The following STIM1 variants were observed in gnomAD, a reference collection of about 807,000 sequenced individuals.
STIM1 encodes stromal interaction molecule 1.
In STIM1, 25 loss-of-function variants were observed where a neutral mutation model predicts 74.7. That is an observed-to-expected ratio of 0.33 (90% CI 0.24 to 0.47). The LOEUF is 0.47. STIM1 is among the 20% of genes least tolerant of loss of function. The pLI, the probability that STIM1 is intolerant of heterozygous loss-of-function variation, is 1.00. For synonymous variants in STIM1, 328 were observed against 348.8 expected (o/e 0.94, Z 0.66); for missense variants, 728 against 920.8 (o/e 0.79, Z 2.71).
At chr11:3,865,648 G>A (rs2090826165) in intron 1 of STIM1, among the ~76,000 whole-genome samples, 1 of 152,196 alleles carries the variant, frequency 6.6e-6, no homozygotes, top group South Asian at 2.1e-4. Context: ...TGAGGAATCT[G>A]TTTGCTGGGA....
At position 3,882,663 on chromosome 11, in the gene STIM1, A is replaced by G. The variant is rs1590523206; in HGVS notation, c.139+26254A>G. ...GTACCTGTTTCCAGTTCTTTTGGGT[A>G]CATACCTAGGAGTGGAATTGCTAGG... On this transcript the variant is annotated intron_variant, in intron 1 of 12. Transcript: ENST00000526596. Among the ~76,000 whole-genome samples, 3 of 152,352 alleles carry G rather than the reference A, an allele frequency of 2.0e-5. No individual in the cohort carries two copies. In the South Asian group the frequency reaches 6.2e-4, roughly 32 times the overall value.
chr11:4,056,375 C>G (rs1162029382), intron 4 of STIM1, among the ~76,000 whole-genome samples: 1 of 152,168 alleles, frequency 6.6e-6, no homozygotes, highest in Admixed American at 6.5e-5. Flanking sequence ...GTGCCATATG[C>G]CATTCAGTCA....
intron 1 of STIM1, among the ~76,000 whole-genome samples, chr11:3,934,578 G>A (rs1250092627): frequency 2.0e-5 from 3 of 152,184 alleles, no homozygotes; most frequent in Non-Finnish European, 4.4e-5. Context: ...AGCAAGCACA[G>A]GGTATGAGGG....
intron 6 of STIM1, among the ~76,000 whole-genome samples, chr11:4,073,047 G>GGTT: frequency 2.7e-5 from 1 of 37,262 alleles, no homozygotes; most frequent in Admixed American, 4.6e-4. Context: ...TGGACTTAGA[G>GGTT]GTTTTTTTTT....
chr11:3,874,758 G>A (rs2091254877), intron 1 of STIM1, among the ~76,000 whole-genome samples: 1 of 152,180 alleles, frequency 6.6e-6, no homozygotes, highest in Non-Finnish European at 1.5e-5. Context: ...GCTCCTGCAA[G>A]ATTTGGTACT....
intron 1 of STIM1, among the ~76,000 whole-genome samples, chr11:3,966,731 A>G (rs1157206146): frequency 2.0e-5 from 3 of 152,230 alleles, no homozygotes; most frequent in Non-Finnish European, 4.4e-5. Flanking sequence ...TCCCTAGATC[A>G]TATGGTAGAG....
intron 2 of STIM1, among the ~76,000 whole-genome samples, chr11:4,018,293 C>CA (rs1470168662): frequency 6.8e-6 from 1 of 146,388 alleles, no homozygotes; most frequent in Non-Finnish European, 1.5e-5. Context: ...ACTAAAAATA[C>CA]AAAAAAAAAT....
At chr11:4,051,281 C>T (rs554847879) in intron 3 of STIM1, among the ~76,000 whole-genome samples, 1 of 151,524 alleles carries the variant, frequency 6.6e-6, no homozygotes, top group Non-Finnish European at 1.5e-5. Flanking sequence ...TAAACTTTTG[C>T]TTTTTACTTT....
At chr11:4,011,326 C>T (rs926056546) in intron 2 of STIM1, among the ~76,000 whole-genome samples, 1 of 152,184 alleles carries the variant, frequency 6.6e-6, no homozygotes, top group Non-Finnish European at 1.5e-5. Context: ...CTAATTTACA[C>T]TCCCACCAAC....
chr11:4,037,535 T>C (rs188195205), intron 3 of STIM1, among the ~76,000 whole-genome samples: 235 of 152,320 alleles, frequency 1.5e-3, no homozygotes, highest in African/African-American at 5.2e-3. Flanking sequence ...TGAAATGAAC[T>C]GCTTTATCCT....
At chr11:3,873,774 C>T (rs1022214766) in intron 1 of STIM1, among the ~76,000 whole-genome samples, 3 of 152,148 alleles carry the variant, frequency 2.0e-5, no homozygotes, top group Admixed American at 2.0e-4. Context: ...CACCTAACTG[C>T]TCCTCCTGAG....
chr11:3,993,988 T>C (rs150030136), intron 2 of STIM1, among the ~76,000 whole-genome samples: 1 of 152,344 alleles, frequency 6.6e-6, no homozygotes, highest in East Asian at 1.9e-4. Context: ...CTTTTTTGTA[T>C]GGATTCAAAG....
chr11:4,010,251 AC>A (rs1034012401), intron 2 of STIM1, among the ~76,000 whole-genome samples: 1 of 150,512 alleles, frequency 6.6e-6, no homozygotes, highest in Non-Finnish European at 1.5e-5. Context: ...ACTCACTACA[AC>A]CTCCGCCTTC....
At chr11:3,875,836 T>C (rs980092797) in intron 1 of STIM1, among the ~76,000 whole-genome samples, 5 of 152,040 alleles carry the variant, frequency 3.3e-5, no homozygotes, top group Admixed American at 3.3e-4. Context: ...TCAAAATAAA[T>C]ACTGCAATAG....
intron 1 of STIM1, among the ~76,000 whole-genome samples, chr11:3,950,020 A>T (rs117258603): frequency 3.3e-5 from 5 of 152,284 alleles, no homozygotes; most frequent in Non-Finnish European, 5.9e-5. Context: ...AAAATGTTAC[A>T]TAAATGGAAT....
At chr11:4,081,237 C>G (rs1318830034) in intron 7 of STIM1, among the ~76,000 whole-genome samples, 4 of 152,208 alleles carry the variant, frequency 2.6e-5, no homozygotes, top group African/African-American at 9.7e-5. Flanking sequence ...ATCACTTATG[C>G]TGGTAGCTTG....
chr11:3,979,083 G>A lies in STIM1; in HGVS notation c.270+11401G>A, dbSNP rs187503302. On this transcript the variant is annotated intron_variant, in intron 2 of 12. Coordinates refer to ENST00000526596, the MANE Select transcript of STIM1 (RefSeq NM_001382567.1). ...GCCAGGAGGAACTTGGACTTTATAG[G>A]TAGTAGTATATAGGGAGAGAGTAGG... Among the ~76,000 whole-genome samples the A allele has an allele frequency of 4.0e-3, 611 of 152,256 alleles. 1 individual carries two copies. Among genetic ancestry groups the A allele is most frequent in the Non-Finnish European group, 5.9e-3 (398 of 68,016 alleles).
At chr11:4,018,804 C>G (rs1016316828) in intron 2 of STIM1, 16 of 152,422 alleles carry the variant, frequency 1.0e-4, no homozygotes, top group African/African-American at 3.8e-4. Context: ...ATTCTCTTGC[C>G]TCAGGGACTT....
At chr11:4,029,634 G>A (rs189092791) in intron 3 of STIM1, among the ~76,000 whole-genome samples, 2 of 152,190 alleles carry the variant, frequency 1.3e-5, no homozygotes, top group Admixed American at 1.3e-4. Flanking sequence ...TGTATGTGGT[G>A]TGTGCGTATG....
Sources: gnomAD v4.1 joint callset for allele counts (sites outside exome capture counted in the v4.1 genomes callset) on GRCh38, gnomAD v4.1.1 for gene constraint, MANE v1.5 for transcripts, NCBI Gene and HGNC (gene_info 2026-07-23, HGNC 2026-07-21) for gene names.